NRG1: variants seen among roughly 807,000 people sequenced by gnomAD.
NRG1 encodes the protein pro-neuregulin-1, membrane-bound isoform.
In NRG1, 18 loss-of-function variants were observed where a neutral mutation model predicts 63.8. The ratio of observed to expected loss-of-function variants is 0.28; its 90% CI spans 0.19 to 0.42. The LOEUF (loss-of-function observed/expected upper bound fraction) is 0.42. Among genes scored for constraint, NRG1 ranks in the 10% least tolerant of loss-of-function variants. NRG1 has a pLI of 1.00. For missense variants in NRG1, 762 were observed against 814.7 expected, an observed-to-expected ratio of 0.94 and a Z score of 0.79; for synonymous variants, 302 against 301.3, an observed-to-expected ratio of 1.00 and a Z score of -0.02.
intron 1 of NRG1, among the ~76,000 whole-genome samples, chr8:31,992,008 CAA>C (rs369953779): frequency 2.2e-4 from 33 of 151,744 alleles, no homozygotes; most frequent in African/African-American, 7.7e-4. Flanking sequence ...TCTAAATGTT[CAA>C]AGAGGCACAA....
At chr8:32,005,951 A>C (rs148666531) in intron 1 of NRG1, among the ~76,000 whole-genome samples, 1 of 152,124 alleles carries the variant, frequency 6.6e-6, no homozygotes, top group African/African-American at 2.4e-5. Context: ...TATTTTCCTT[A>C]GCAGAGTGAA....
In NRG1 at chr8:31,713,303, A is replaced by T. The variant is rs554291739; in HGVS notation, c.37+73872A>T. Among the ~76,000 whole-genome samples the T allele has an allele frequency of 5.9e-5, 9 of 151,828 alleles. 1 individual carries two copies. Among genetic ancestry groups the T allele is most frequent in the African/African-American group, 1.9e-4 (8 of 41,418 alleles). On this transcript the variant is annotated intron_variant, in intron 1 of 10. Coordinates refer to the NRG1 transcript ENST00000519301. ...GGCTAATTTTTTGTATTTTTAGTGTAGACGGGGTTTCACTGTGTTAGTCAG... is the reference window on the plus strand; with the variant it reads ...GGCTAATTTTTTGTATTTTTAGTGTTGACGGGGTTTCACTGTGTTAGTCAG...
downstream of NRG1, among the ~76,000 whole-genome samples, chr8:32,772,023 C>CAG (rs1831841099): frequency 8.0e-5 from 2 of 24,950 alleles, no homozygotes; most frequent in African/African-American, 1.4e-4. Flanking sequence ...AACTCCGTCT[C>CAG]AAAAAAAAAA....
Position 31,968,830 on chromosome 8 carries a change from C to G in NRG1, c.37+329399C>G, listed in dbSNP as rs769371525. On this transcript the variant is annotated intron_variant, in intron 1 of 10. Coordinates refer to the NRG1 transcript ENST00000519301. Reference sequence around the variant, plus strand: ...GCTGGCATAAATGTGGCAATTGACACGATAAGAGAAGCTGTTCTCCCAGCC... The same window carrying G: ...GCTGGCATAAATGTGGCAATTGACAGGATAAGAGAAGCTGTTCTCCCAGCC... 7.2e-5 allele frequency among the ~76,000 whole-genome samples: 11 copies of G among 152,228 alleles called. No homozygotes were observed. In the South Asian group the frequency reaches 1.2e-3, roughly 17 times the overall value.
At chr8:32,451,116 A>AT (rs1820893805) in intron 1 of NRG1, among the ~76,000 whole-genome samples, 1 of 152,198 alleles carries the variant, frequency 6.6e-6, no homozygotes, top group Non-Finnish European at 1.5e-5. Context: ...AATAATTATA[A>AT]TTTTTCTCAA....
intron 1 of NRG1, among the ~76,000 whole-genome samples, chr8:31,967,549 T>C (rs1806558363): frequency 6.6e-6 from 1 of 152,168 alleles, no homozygotes; most frequent in Admixed American, 6.5e-5. Context: ...CCTGGATAAG[T>C]AGTTTCCATA....
chr8:31,909,711 G>A (rs1166308392), intron 1 of NRG1, among the ~76,000 whole-genome samples: 2 of 152,146 alleles, frequency 1.3e-5, no homozygotes, highest in African/African-American at 4.8e-5. Flanking sequence ...GCTAACAAAG[G>A]ATTGTGGGTG....
downstream of NRG1, among the ~76,000 whole-genome samples, chr8:32,771,083 G>T (rs745970626): frequency 2.0e-5 from 3 of 151,872 alleles, no homozygotes; most frequent in Non-Finnish European, 4.4e-5. Flanking sequence ...ATTTAACTTT[G>T]TAGCTTTGAT....
At chr8:32,733,486 T>C (rs772219638) in intron 6 of NRG1, among the ~76,000 whole-genome samples, 16 of 152,152 alleles carry the variant, frequency 1.1e-4, no homozygotes, top group Admixed American at 3.9e-4. Flanking sequence ...GTAAATGAAA[T>C]ATTTATCAAA....
At chr8:32,518,397 C>T (rs1343139863) in intron 1 of NRG1, among the ~76,000 whole-genome samples, 1 of 152,162 alleles carries the variant, frequency 6.6e-6, no homozygotes, top group Non-Finnish European at 1.5e-5. Flanking sequence ...TAAAGAATCT[C>T]ATAATTCCTT....
At chr8:32,672,993 T>C (rs1806104958) in intron 5 of NRG1, among the ~76,000 whole-genome samples, 1 of 152,226 alleles carries the variant, frequency 6.6e-6, no homozygotes. Flanking sequence ...GTGCAGATTA[T>C]TCTCACTGAA....
intron 1 of NRG1, among the ~76,000 whole-genome samples, chr8:32,516,991 AG>A: frequency 6.8e-6 from 1 of 147,032 alleles, no homozygotes; most frequent in South Asian, 2.2e-4. Flanking sequence ...GACTTTATTA[AG>A]GATCTCTGGA....
chr8:31,727,118 T>C (rs533594979), intron 1 of NRG1, among the ~76,000 whole-genome samples: 2 of 152,194 alleles, frequency 1.3e-5, no homozygotes, highest in South Asian at 2.1e-4. Context: ...CTACTATGTA[T>C]AGGTACTAGA....
intron 5 of NRG1, among the ~76,000 whole-genome samples, chr8:32,703,769 T>G (rs1815609782): frequency 1.3e-5 from 2 of 152,300 alleles, no homozygotes; most frequent in African/African-American, 2.4e-5. Flanking sequence ...TTGAGAATAT[T>G]TTAAGAAAAT....
chr8:32,478,690 C>T (rs567057488), intron 1 of NRG1, among the ~76,000 whole-genome samples: 4 of 152,144 alleles, frequency 2.6e-5, no homozygotes, highest in South Asian at 2.1e-4. Context: ...ATGATGACAG[C>T]GGGATAAAGA....
At chr8:32,063,142 C>T (rs1282710097) in intron 1 of NRG1, 1 of 152,050 alleles carries the variant, frequency 6.6e-6, no homozygotes, top group Non-Finnish European at 1.5e-5. Flanking sequence ...AGATGGACAG[C>T]TCTAAGTTGA....
chr8:32,101,771 CTTATAG>C (rs1323184470), intron 1 of NRG1, among the ~76,000 whole-genome samples: 6 of 152,132 alleles, frequency 3.9e-5, no homozygotes, highest in Admixed American at 2.0e-4. Flanking sequence ...AAGATTTTCC[CTTATAG>C]TTATAGAAAT....
intron 1 of NRG1, among the ~76,000 whole-genome samples, chr8:32,247,103 GT>G (rs139121954): frequency 0.17 from 16,954 of 102,700 alleles, 1,099 homozygotes; most frequent in East Asian, 0.29. Flanking sequence ...TCAATTTACA[GT>G]TTTTTTTTAA....
At chr8:32,653,122 G>C (rs1442023068) in intron 5 of NRG1, among the ~76,000 whole-genome samples, 1 of 64,934 alleles carries the variant, frequency 1.5e-5, no homozygotes, top group Non-Finnish European at 7.1e-5. Context: ...TTTCCTCTTT[G>C]GTTTTTTTTT....
Sources: gnomAD v4.1 joint callset for allele counts (sites outside exome capture counted in the v4.1 genomes callset) on GRCh38, gnomAD v4.1.1 for gene constraint, MANE v1.5 for transcripts, NCBI Gene and HGNC (gene_info 2026-07-23, HGNC 2026-07-21) for gene names.